Variants in CDT1 observed in about 807,000 individuals in gnomAD.
CDT1 encodes DNA replication factor Cdt1.
Under a neutral mutation model 49.3 loss-of-function variants are expected in CDT1, and 66 were observed. The observed-to-expected ratio is 1.34, with a 90% CI of 1.10 to 1.64. CDT1 has a LOEUF of 1.64. Ranked by LOEUF, CDT1 falls within the 40% of genes most tolerant of loss-of-function variation. The pLI is 0.00. For missense variants in CDT1, 958 were observed against 807.7 expected (o/e 1.19, Z -2.26); for synonymous variants, 424 against 347.4 (o/e 1.22, Z -2.45).
intron 7 of CDT1, 58 bp downstream of exon 7, chr16:88,806,732 C>G (rs1908872284): frequency 1.3e-6 from 2 of 1,541,866 alleles, no homozygotes; most frequent in Non-Finnish European, 8.8e-7. Flanking sequence ...CAGCCTGACC[C>G]CAGGCTTAAG....
In CDT1 at chr16:88,808,295, G is replaced by A. The variant is rs2142947776; in HGVS notation, c.*17G>A. 1 of 1,567,500 alleles carries A rather than the reference G, an allele frequency of 6.4e-7. No homozygotes were observed. Among genetic ancestry groups the A allele is most frequent in the Non-Finnish European group, 8.7e-7 (1 of 1,155,908 alleles). On this transcript the variant is annotated 3_prime_UTR_variant, in exon 10 of 10. Coordinates refer to ENST00000301019, the MANE Select transcript of CDT1 (RefSeq NM_030928.4). Reference sequence around the variant, plus strand: ...GGGCTGTGAGCCTGGGGGCCACTGTGGACAGACGTGGGCTTCAGAAGCTCG... The same window carrying A: ...GGGCTGTGAGCCTGGGGGCCACTGTAGACAGACGTGGGCTTCAGAAGCTCG...
At position 88,808,095 on chromosome 16, in the gene CDT1, GTCC is replaced by G. The variant is rs759409889; in HGVS notation, c.1478-14_1478-12del. 1.4e-5 allele frequency: 23 copies of G among 1,610,704 alleles called. No homozygotes were observed. The highest frequency in any genetic ancestry group is 2.7e-5 in the African/African-American group (2 of 74,890). On this transcript the variant is annotated splice_polypyrimidine_tract_variant and intron_variant, in intron 9 of 9. Transcript: ENST00000301019. ...GCTGGGGCCCAGCACCAGCCTCAGT[GTCC>G]TCCTCTCCTCCCCCAGGGGAAATGG...
chr16:88,804,540 A>G lies in CDT1; in HGVS notation c.229-5A>G. 1 of 1,611,768 alleles carries G rather than the reference A, an allele frequency of 6.2e-7. No homozygotes were observed. The highest frequency in any genetic ancestry group is 1.3e-5 in the African/African-American group (1 of 75,030). ...TGAGTTCACCCTTGGGGTCCCTCCC[A>G]CCAGGTTTCCAGCCCCAGTACCCCC... On this transcript the variant is annotated splice_region_variant and splice_polypyrimidine_tract_variant and intron_variant, in intron 1 of 9. Coordinates refer to ENST00000301019, the MANE Select transcript of CDT1 (RefSeq NM_030928.4).
intron 1 of CDT1, 126 bp from the exon 2 acceptor site, chr16:88,804,419 G>A (rs1010867035): frequency 6.1e-5 from 76 of 1,255,248 alleles, no homozygotes; most frequent in South Asian, 2.8e-5. Flanking sequence ...TCTACGGGAA[G>A]TCCTAAGCCC....
In CDT1 at chr16:88,807,220, G is replaced by T; in HGVS notation, c.1275+17G>T. On this transcript the variant is annotated intron_variant, in intron 8 of 9. Coordinates refer to ENST00000301019, the MANE Select transcript of CDT1 (RefSeq NM_030928.4). ...CTGGAGCGGGTGAGTCGTCCCCAGTGATGGCGGGTGGGCGCCTGGTGACCT... is the reference window on the plus strand; with the variant it reads ...CTGGAGCGGGTGAGTCGTCCCCAGTTATGGCGGGTGGGCGCCTGGTGACCT... The T allele has an allele frequency of 1.2e-6, 2 of 1,611,790 alleles. No homozygotes were observed. The highest frequency in any genetic ancestry group is 1.7e-6 in the Non-Finnish European group (2 of 1,179,602).
In CDT1 at chr16:88,805,423, TCCTC is replaced by T; in HGVS notation, c.489-9_489-6del. The stretch of plus-strand genomic sequence containing the variant: ...AGGGGCCTACTGCTTCTCATGAGGC[TCCTC>T]CCTCCCTGACAGTGGCGAGAAGGCG... On this transcript the variant is annotated splice_polypyrimidine_tract_variant and intron_variant, in intron 3 of 9. Transcript: ENST00000301019. 1 of 1,612,064 alleles carries T rather than the reference TCCTC, an allele frequency of 6.2e-7. No homozygotes were observed. The highest frequency in any genetic ancestry group is 1.3e-5 in the African/African-American group (1 of 75,008).
rs1908999807 is a variant in CDT1 at position 88,809,204 on chromosome 16, G to A, written c.*926G>A. The A allele has an allele frequency of 2.9e-6, 1 of 346,250 alleles. No homozygotes were observed. The highest frequency in any genetic ancestry group is 5.7e-6 in the Non-Finnish European group (1 of 175,254). The allele number at this position is 346,250 out of a possible 1,614,324, so 21.4% of individuals were successfully genotyped here. A position where few individuals can be genotyped will look rare whatever the true frequency, so the allele number is the denominator to read the frequency against. On this transcript the variant is annotated 3_prime_UTR_variant, in exon 10 of 10. Transcript: ENST00000301019. ...AGGGACTGGCCTCTGCCCACACCTT[G>A]ACTTCAGTATTTCTGACCTCCTAAA...
rs1252982289 is a variant in CDT1, at chr16:88,805,835, T to G, written c.798T>G (p.Asp266Glu). The change falls in exon 5 of 10, where the codon GAT becomes GAG. Residue 266 changes from aspartate (D) to glutamate (E), a missense_variant. Physicochemically the swap from Asp to Glu is conservative, Grantham distance 45 (BLOSUM62 2). Coordinates refer to ENST00000301019, the MANE Select transcript of CDT1 (RefSeq NM_030928.4). The stretch of plus-strand genomic sequence containing the variant: ...TCAAGGATGGCACCAGGAGGTCAGA[T>G]TACCAGCTCACCATCGAGCCACTGC... ...PTFKDGTRRSDYQLTIEPLLE... is the reference protein window; with the variant it reads ...PTFKDGTRRSEYQLTIEPLLE... The G allele has an allele frequency of 1.2e-6, 2 of 1,613,046 alleles. No homozygotes were observed.
At position 88,807,262 on chromosome 16, in the gene CDT1, GT is replaced by G. The variant is rs755675308; in HGVS notation, c.1276-18del. ...TGGTGACCTGCTGCCCACTAACCAG[GT>G]CCCGGTACCTGCTGCAGATCCGAGC... is the stretch of plus-strand genomic sequence containing the variant. On this transcript the variant is annotated intron_variant, in intron 8 of 9. Transcript: ENST00000301019. 1 of 1,611,742 alleles carries G rather than the reference GT, an allele frequency of 6.2e-7. No individual in the cohort carries two copies. The highest frequency in any genetic ancestry group is 8.5e-7 in the Non-Finnish European group (1 of 1,179,786).
rs943240473 is a variant in CDT1, at chr16:88,805,938, G to A, written c.832+69G>A. On this transcript the variant is annotated intron_variant, in intron 5 of 9. Coordinates refer to ENST00000301019, the MANE Select transcript of CDT1 (RefSeq NM_030928.4). ...GCACAGTTTCCAGGGTGGGTGTGAG[G>A]TGCTGGGCATCTGGCCCAGGACTGG... is the stretch of plus-strand genomic sequence containing the variant. The A allele has an allele frequency of 1.9e-6, 3 of 1,594,730 alleles. No homozygotes were observed. In the African/African-American group the frequency reaches 4.0e-5, roughly 21 times the overall value.
Position 88,806,043 on chromosome 16 carries a change from G to A in CDT1, c.855G>A (p.Gln285=), listed in dbSNP as rs142859474. ...CAGAGGCTGACGGAGCAGCCCCCCA[G>A]CTCACGGCCTCGCGCCTCCTGCAGC... ...LEQEADGAAP[Q]LTASRLLQRR... The change falls in exon 6 of 10, where the codon CAG becomes CAA. Residue 285 remains glutamine, a synonymous_variant. Transcript: ENST00000301019. 7.5e-5 allele frequency: 119 copies of A among 1,594,086 alleles called. 1 individual carries two copies. The highest frequency in any genetic ancestry group is 7.2e-4 in the East Asian group (32 of 44,178).
At position 88,805,424 on chromosome 16, in the gene CDT1, C is replaced by T; in HGVS notation, c.489-16C>T. The T allele has an allele frequency of 6.2e-7, 1 of 1,612,182 alleles. No individual in the cohort carries two copies. The highest frequency in any genetic ancestry group is 8.5e-7 in the Non-Finnish European group (1 of 1,179,782). ...GGGGCCTACTGCTTCTCATGAGGCT[C>T]CTCCCTCCCTGACAGTGGCGAGAAG... On this transcript the variant is annotated splice_polypyrimidine_tract_variant and intron_variant, in intron 3 of 9. Coordinates refer to ENST00000301019, the MANE Select transcript of CDT1 (RefSeq NM_030928.4).
intron 1 of CDT1, 120 bp downstream of exon 1, chr16:88,804,179 G>A (rs1908757272): frequency 2.8e-6 from 2 of 719,034 alleles, no homozygotes; most frequent in Non-Finnish European, 2.0e-6. Flanking sequence ...CGGGGGGGAC[G>A]GGGCGCAGGG....
At chr16:88,806,784 T>G (rs1908874034) in intron 7 of CDT1, 110 bp downstream of exon 7, 3 of 1,398,228 alleles carry the variant, frequency 2.1e-6, no homozygotes, top group Non-Finnish European at 2.0e-6. Flanking sequence ...TCATCTGGCT[T>G]CCTCCTTGGC....
In CDT1 at chr16:88,803,853, G is replaced by T. The variant is rs1463151323; in HGVS notation, c.22G>T (p.Asp8Tyr). MEQRRVT[D>Y]FFARRRPGPP... is the part of the protein sequence containing the mutation. Reference sequence around the variant, plus strand: ...CGCCATGGAGCAGCGCCGCGTCACCGACTTCTTCGCGCGCCGCCGCCCCGG... The same window carrying T: ...CGCCATGGAGCAGCGCCGCGTCACCTACTTCTTCGCGCGCCGCCGCCCCGG... The change falls in exon 1 of 10, where the codon GAC (aspartate) becomes TAC (tyrosine). Residue 8 changes from aspartate (D) to tyrosine (Y), a missense_variant. Asp to Tyr is a radical substitution (Grantham distance 160). Coordinates refer to ENST00000301019, the MANE Select transcript of CDT1 (RefSeq NM_030928.4). 3 of 1,491,912 alleles carry T rather than the reference G, an allele frequency of 2.0e-6. No homozygotes were observed. The highest frequency in any genetic ancestry group is 2.7e-6 in the Non-Finnish European group (3 of 1,119,944). 92.4% of individuals were successfully genotyped at this position (1,491,912 alleles called of 1,614,324 possible).
rs141611072 is a variant in CDT1, at chr16:88,806,586, C to T, written c.1034C>T (p.Pro345Leu). The T allele has an allele frequency of 2.2e-5, 36 of 1,608,106 alleles. No homozygotes were observed. The highest frequency in any genetic ancestry group is 2.7e-5 in the Non-Finnish European group (32 of 1,178,034). Residue 345 changes from proline (P) to leucine (L), a missense_variant, in exon 7 of 10, where the codon CCG (proline) becomes CTG (leucine). Pro to Leu is a moderately conservative substitution (Grantham distance 98, BLOSUM62 -3). Transcript: ENST00000301019. ...GTGGATGAAGTACCCGACATCGAGCCGGCCGCGCTGCCCCAGCCACCCGCC... is the reference window on the plus strand; with the variant it reads ...GTGGATGAAGTACCCGACATCGAGCTGGCCGCGCTGCCCCAGCCACCCGCC... ...FNVDEVPDIE[P>L]AALPQPPATE...
At chr16:88,804,174 G>C in intron 1 of CDT1, 115 bp downstream of exon 1, 2 of 745,992 alleles carry the variant, frequency 2.7e-6, no homozygotes, top group South Asian at 2.9e-5. Context: ...ACAGGCGGGG[G>C]GGACGGGGCG....
intron 9 of CDT1, 22 bp from the exon 10 acceptor site, chr16:88,808,093 G>A: frequency 1.9e-6 from 3 of 1,608,256 alleles, no homozygotes; most frequent in Non-Finnish European, 2.5e-6. Context: ...ACCAGCCTCA[G>A]TGTCCTCCTC....
rs1337746885 is a variant in CDT1, at chr16:88,808,018, G to A, written c.1478-97G>A. 5.1e-6 allele frequency: 7 copies of A among 1,372,230 alleles called. No individual in the cohort carries two copies. In the East Asian group the frequency reaches 1.2e-4, roughly 24 times the overall value. 85.0% of individuals were successfully genotyped at this position (1,372,230 alleles called of 1,614,324 possible). On this transcript the variant is annotated intron_variant, in intron 9 of 9. Transcript: ENST00000301019. ...GTGATGGGGCCCTGAGGGCGACCAG[G>A]CAGGCACAGAGGTTGGGTGGTCAGG...
Sources: allele counts gnomAD v4.1 joint callset, GRCh38; gene constraint gnomAD v4.1.1; transcripts MANE v1.5; gene names NCBI Gene and HGNC (gene_info 2026-07-23, HGNC 2026-07-21).